The following RABGAP1 variants were observed in gnomAD, a reference collection of about 807,000 sequenced individuals.
The protein encoded by RABGAP1 is rab GTPase-activating protein 1.
A neutral mutation model predicts 137.6 loss-of-function variants in RABGAP1; 23 were observed. That is an observed-to-expected ratio of 0.17 (90% confidence interval 0.12 to 0.24). The LOEUF (loss-of-function observed/expected upper bound fraction) is 0.24, where lower values mean the gene tolerates loss of function less well. Ranked by LOEUF, RABGAP1 falls within the 10% of genes least tolerant of loss-of-function variation. The pLI, the probability that RABGAP1 is intolerant of heterozygous loss-of-function variation, is 1.00. For synonymous variants in RABGAP1, 451 were observed against 450.7 expected (o/e 1.00, Z -0.01); for missense variants, 906 against 1,275.8 (o/e 0.71, Z 4.42).
intron 21 of RABGAP1, among the ~76,000 whole-genome samples, chr9:123,096,034 T>A (rs1468659985): frequency 6.6e-6 from 1 of 152,244 alleles, no homozygotes; most frequent in African/African-American, 2.4e-5. Flanking sequence ...ATGTATGTTC[T>A]GTTGTGAGTG....
intron 19 of RABGAP1, among the ~76,000 whole-genome samples, chr9:123,077,164 GTT>G (rs57474987): frequency 1.4e-3 from 172 of 124,446 alleles, no homozygotes; most frequent in African/African-American, 6.5e-3. Flanking sequence ...TTTTGTTTTT[GTT>G]TTTTTTTTTT....
At chr9:123,003,004 C>A (rs553243217) in intron 10 of RABGAP1, among the ~76,000 whole-genome samples, 1 of 151,902 alleles carries the variant, frequency 6.6e-6, no homozygotes, top group Admixed American at 6.6e-5. Context: ...TGTGTTTGTG[C>A]GGGGATTTAG....
chr9:123,057,337 G>A (rs1229865459), intron 13 of RABGAP1, among the ~76,000 whole-genome samples: 1 of 151,318 alleles, frequency 6.6e-6, no homozygotes, highest in Non-Finnish European at 1.5e-5. Flanking sequence ...CTTCTCAGAC[G>A]GGGCGGCCGG....
Position 122,990,062 on chromosome 9 carries a change from C to T in RABGAP1, c.772C>T (p.Arg258Trp), listed in dbSNP as rs1323357412. 6.9e-6 allele frequency: 11 copies of T among 1,603,094 alleles called. No individual in the cohort carries two copies. The highest frequency in any genetic ancestry group is 1.7e-5 in the Admixed American group (1 of 59,338). Residue 258 changes from arginine (R) to tryptophan (W), a missense_variant, in exon 6 of 26, where the codon CGG becomes TGG. Transcript: ENST00000373647. The stretch of plus-strand genomic sequence containing the variant: ...CTAACATGTCTGGTTGTAGGTAAGC[C>T]GGATACTTTACAGTTTTGCCACTGC... ...FRCEIQEAVS[R>W]ILYSFATAFR...
chr9:123,035,322 G>A, intron 13 of RABGAP1: 1 of 1,614,174 alleles, frequency 6.2e-7, no homozygotes, highest in Non-Finnish European at 8.5e-7. Context: ...GCTATGCCAT[G>A]GTCCTGTTTC....
rs768918684 is a variant in RABGAP1 at position 123,010,641 on chromosome 9, A to G, written c.1549+113A>G. 507 of 1,050,268 alleles carry G rather than the reference A, an allele frequency of 4.8e-4. 1 individual carries two copies. Among genetic ancestry groups the G allele is most frequent in the Non-Finnish European group, 6.4e-4 (473 of 738,554 alleles). The allele number at this position is 1,050,268 out of a possible 1,614,324, so 65.1% of individuals were successfully genotyped here. On this transcript the variant is annotated intron_variant, in intron 11 of 25. Transcript: ENST00000373647. ...ACGGCATTTATAATTCATTTAATGAATTCCTTATGAGAGTTTACTATATGT... is the reference window on the plus strand; with the variant it reads ...ACGGCATTTATAATTCATTTAATGAGTTCCTTATGAGAGTTTACTATATGT...
At chr9:123,011,710 C>A (rs2030824099) in intron 11 of RABGAP1, among the ~76,000 whole-genome samples, 1 of 152,196 alleles carries the variant, frequency 6.6e-6, no homozygotes, top group Admixed American at 6.5e-5. Flanking sequence ...GTAATCCCAG[C>A]ATGGGAGGCT....
intron 1 of RABGAP1, among the ~76,000 whole-genome samples, chr9:122,955,788 C>G (rs1012836088): frequency 1.3e-5 from 2 of 152,068 alleles, no homozygotes; most frequent in East Asian, 3.8e-4. Context: ...GGTGTATGCT[C>G]CATAAATATA....
intron 1 of RABGAP1, among the ~76,000 whole-genome samples, chr9:122,950,155 G>A (rs887566194): frequency 6.6e-6 from 1 of 152,052 alleles, no homozygotes; most frequent in South Asian, 2.1e-4. Flanking sequence ...TTAACTTTGG[G>A]GGCTAAATAA....
At chr9:123,069,752 T>C (rs2034293672) in intron 14 of RABGAP1, among the ~76,000 whole-genome samples, 3 of 151,994 alleles carry the variant, frequency 2.0e-5, no homozygotes, top group African/African-American at 4.8e-5. Flanking sequence ...GGCATGGTGG[T>C]GCAAGCCTGT....
intron 13 of RABGAP1, among the ~76,000 whole-genome samples, chr9:123,023,240 G>T (rs966499283): frequency 3.3e-5 from 5 of 152,142 alleles, no homozygotes; most frequent in African/African-American, 1.2e-4. Flanking sequence ...GAGTGCAGTG[G>T]CATGATCTCA....
At chr9:123,076,191 A>G (rs2034503989) in intron 17 of RABGAP1, 54 bp from the exon 18 acceptor site, 5 of 1,555,528 alleles carry the variant, frequency 3.2e-6, no homozygotes, top group South Asian at 2.3e-5. Context: ...GACAAATAGC[A>G]TAATAGTCGA....
In RABGAP1 at chr9:122,989,622, T is replaced by C. The variant is rs1247947117; in HGVS notation, c.765+151T>C. The C allele has an allele frequency of 1.2e-5, 9 of 775,228 alleles. No individual in the cohort carries two copies. The Admixed American group carries it at 2.6e-4, about 22-fold the overall frequency. 48.0% of individuals were successfully genotyped at this position (775,228 alleles called of 1,614,324 possible). A position where few individuals can be genotyped will look rare whatever the true frequency, so the allele number is the denominator to read the frequency against. ...GATTCTAGCCTCATGGGCCAAAATA[T>C]AAATTAACTAAAAATTTGATTAACT... On this transcript the variant is annotated intron_variant, in intron 5 of 25. Coordinates refer to ENST00000373647, the MANE Select transcript of RABGAP1 (RefSeq NM_012197.4).
Position 122,992,414 on chromosome 9 carries a change from C to T in RABGAP1, c.923+2201C>T, listed in dbSNP as rs186371810. ...TTATTAAATAGGAAAGATTAAGATC[C>T]CTCAGAAGTATCAGTATAACTTCCC... On this transcript the variant is annotated intron_variant, in intron 6 of 25. Transcript: ENST00000373647. Among the ~76,000 whole-genome samples the T allele has an allele frequency of 9.5e-4, 145 of 152,002 alleles. 2 individuals are homozygous for T. The highest frequency in any genetic ancestry group is 8.1e-3 in the Admixed American group (123 of 15,242).
intron 13 of RABGAP1, among the ~76,000 whole-genome samples, chr9:123,029,158 G>A (rs1372557475): frequency 1.3e-5 from 2 of 152,118 alleles, no homozygotes; most frequent in South Asian, 2.1e-4. Context: ...AGAGTCCTTG[G>A]CACTCACTTG....
chr9:123,053,272 TAA>T (rs1725514796), intron 13 of RABGAP1, among the ~76,000 whole-genome samples: 1 of 152,212 alleles, frequency 6.6e-6, no homozygotes, highest in Non-Finnish European at 1.5e-5. Context: ...TACCCAGACA[TAA>T]GACATCTGTT....
chr9:122,987,229 A>G (rs181473299), intron 4 of RABGAP1, among the ~76,000 whole-genome samples: 7 of 152,356 alleles, frequency 4.6e-5, no homozygotes, highest in African/African-American at 1.2e-4. Context: ...AATTGCAGAT[A>G]GCTAATCAGA....
chr9:122,971,079 G>A (rs745642839), intron 2 of RABGAP1, among the ~76,000 whole-genome samples: 12 of 152,204 alleles, frequency 7.9e-5, no homozygotes, highest in Non-Finnish European at 1.6e-4. Context: ...TGGGTTTAGA[G>A]AGAGAGGTGT....
chr9:123,020,907 GA>G, intron 13 of RABGAP1: 2 of 910,528 alleles, frequency 2.2e-6, no homozygotes, highest in Non-Finnish European at 2.6e-6. Flanking sequence ...CCTCTAAAGT[GA>G]AAAAAATCTC....
Sources: gnomAD v4.1 joint callset for allele counts (sites outside exome capture counted in the v4.1 genomes callset) on GRCh38, gnomAD v4.1.1 for gene constraint, MANE v1.5 for transcripts, NCBI Gene and HGNC (gene_info 2026-07-23, HGNC 2026-07-21) for gene names.